The following CDH4 variants were observed in gnomAD, a reference collection of about 807,000 sequenced individuals.
CDH4 encodes the protein cadherin 4, also known as cadherin-4.
A neutral mutation model predicts 86.0 loss-of-function variants in CDH4; 33 were observed. The ratio of observed to expected loss-of-function variants is 0.38; its 90% confidence interval spans 0.29 to 0.51. CDH4 has a LOEUF of 0.51. Among genes scored for constraint, CDH4 ranks in the 20% least tolerant of loss-of-function variants. The probability of loss-of-function intolerance (pLI) is 0.86; values close to 1 mark genes in which losing one functional copy is unlikely to be tolerated. For missense variants in CDH4, 1,114 were observed against 1,307.4 expected, an observed-to-expected ratio of 0.85 and a Z score of 2.28; for synonymous variants, 555 against 549.4, an observed-to-expected ratio of 1.01 and a Z score of -0.14.
chr20:61,272,666 C>T (rs1187963602), intron 2 of CDH4, among the ~76,000 whole-genome samples: 1 of 152,028 alleles, frequency 6.6e-6, no homozygotes. Flanking sequence ...TGAGGGAGTA[C>T]TATGCACAGT....
rs188912371 is a variant in CDH4 at position 61,744,573 on chromosome 20, G to A, written c.396+784G>A. On this transcript the variant is annotated intron_variant, in intron 3 of 15. Coordinates refer to ENST00000614565, the MANE Select transcript of CDH4 (RefSeq NM_001794.5). The stretch of plus-strand genomic sequence containing the variant: ...AGATGGAGAGAGGTGGAGGGAGAGA[G>A]AGAAGGAAAGGGAGGGAGAGAGAGA... Among the ~76,000 whole-genome samples the A allele has an allele frequency of 1.9e-4, 23 of 119,152 alleles. 1 individual carries two copies. Among genetic ancestry groups the A allele is most frequent in the Non-Finnish European group, 4.1e-4 (21 of 51,242 alleles). The allele number at this position is 119,152 out of a possible 152,430, so 78.2% of individuals were successfully genotyped here. A position where few individuals can be genotyped will look rare whatever the true frequency, so the allele number is the denominator to read the frequency against.
intron 9 of CDH4, among the ~76,000 whole-genome samples, chr20:61,914,546 C>G (rs2054885274): frequency 6.6e-6 from 1 of 152,168 alleles, no homozygotes; most frequent in Admixed American, 6.5e-5. Context: ...GGTGCGGGCT[C>G]AGCCTCAGCA....
intron 2 of CDH4, among the ~76,000 whole-genome samples, chr20:61,274,645 AGGAGTACCGTGTGCG>A (rs2084215581): frequency 1.3e-5 from 1 of 77,054 alleles, no homozygotes; most frequent in African/African-American, 5.2e-5. Context: ...TGCAGTTTGC[AGGAGTACCGTGTGCG>A]GTTTGGGGGA....
intron 2 of CDH4, among the ~76,000 whole-genome samples, chr20:61,551,557 T>C (rs953714143): frequency 1.3e-5 from 2 of 152,222 alleles, no homozygotes; most frequent in African/African-American, 2.4e-5. Flanking sequence ...ACCTTTGCCA[T>C]TGGGGAACTT....
At chr20:61,867,124 A>G (rs1983586072) in intron 6 of CDH4, among the ~76,000 whole-genome samples, 2 of 152,154 alleles carry the variant, frequency 1.3e-5, no homozygotes, top group South Asian at 4.1e-4. Flanking sequence ...TTTCCAGAAC[A>G]CTCGCTCTGG....
intron 4 of CDH4, among the ~76,000 whole-genome samples, chr20:61,821,846 A>G (rs112472639): frequency 1.3e-5 from 2 of 152,242 alleles, no homozygotes. Flanking sequence ...ATGGCAGGAG[A>G]TAAGTGTTAC....
chr20:61,714,062 T>TGTTATGTTATGTTATGTTA lies in CDH4; in HGVS notation c.170-29501_170-29500insGTTATGTTATGTTATGTTA, dbSNP rs1237764006. ...TTTTATTTTATTTTATTTTATTTTA[T>TGTTATGTTATGTTATGTTA]TTGAGATGGAGTCTCACTCTGTCGC... On this transcript the variant is annotated intron_variant, in intron 2 of 15. Coordinates refer to ENST00000614565, the MANE Select transcript of CDH4 (RefSeq NM_001794.5). Among the ~76,000 whole-genome samples, 271 of 150,110 alleles carry TGTTATGTTATGTTATGTTA rather than the reference T, an allele frequency of 1.8e-3. 5 individuals are homozygous for TGTTATGTTATGTTATGTTA. Among genetic ancestry groups the TGTTATGTTATGTTATGTTA allele is most frequent in the East Asian group, 3.7e-3 (19 of 5,128 alleles).
chr20:61,788,714 T>C (rs1979012173), intron 4 of CDH4, among the ~76,000 whole-genome samples: 1 of 152,184 alleles, frequency 6.6e-6, no homozygotes, highest in Non-Finnish European at 1.5e-5. Flanking sequence ...AAGACTCCTT[T>C]CTCAGAATAT....
intron 4 of CDH4, among the ~76,000 whole-genome samples, chr20:61,792,722 C>T (rs1979269035): frequency 6.6e-6 from 1 of 152,090 alleles, no homozygotes; most frequent in Non-Finnish European, 1.5e-5. Context: ...ATGATCTCAG[C>T]TCACTGCAAC....
chr20:61,844,063 T>C (rs530827903), intron 4 of CDH4, among the ~76,000 whole-genome samples: 3 of 152,318 alleles, frequency 2.0e-5, no homozygotes, highest in African/African-American at 7.2e-5. Context: ...TCCCAAAATC[T>C]TGTATGAATC....
At chr20:61,564,482 G>A (rs1169392848) in intron 2 of CDH4, among the ~76,000 whole-genome samples, 1 of 152,040 alleles carries the variant, frequency 6.6e-6, no homozygotes, top group Non-Finnish European at 1.5e-5. Context: ...GGGAGAGCTG[G>A]TCGTTTAAAA....
At chr20:61,661,093 G>GGGGGGGGGC (rs907816921) in intron 2 of CDH4, among the ~76,000 whole-genome samples, 1 of 102,316 alleles carries the variant, frequency 9.8e-6, no homozygotes, top group Non-Finnish European at 2.6e-5. Flanking sequence ...GCGGGGGGGG[G>GGGGGGGGGC]GGAGACACAG....
intron 2 of CDH4, among the ~76,000 whole-genome samples, chr20:61,596,492 G>A (rs1380237495): frequency 1.3e-5 from 2 of 152,200 alleles, no homozygotes; most frequent in Admixed American, 6.5e-5. Flanking sequence ...GGTGGAAGCA[G>A]CAAGTCTCTG....
intron 2 of CDH4, among the ~76,000 whole-genome samples, chr20:61,367,910 G>A (rs559031124): frequency 4.5e-5 from 6 of 131,904 alleles, no homozygotes; most frequent in South Asian, 2.4e-4. Context: ...TTGCTCTGTC[G>A]CCCAGGCTGG....
chr20:61,726,136 A>C (rs1555830850), intron 2 of CDH4, among the ~76,000 whole-genome samples: 1 of 150,940 alleles, frequency 6.6e-6, no homozygotes, highest in African/African-American at 2.4e-5. Flanking sequence ...CTCGGGGGGG[A>C]CTGTGGTGAA....
chr20:61,388,083 C>A (rs1219457954), intron 2 of CDH4, among the ~76,000 whole-genome samples: 2 of 152,232 alleles, frequency 1.3e-5, no homozygotes, highest in Non-Finnish European at 2.9e-5. Flanking sequence ...ATTTTGGCCA[C>A]CATATGGTAT....
At position 61,570,814 on chromosome 20, in the gene CDH4, A is replaced by C. The variant is rs1600769551; in HGVS notation, c.170-172749A>C. 5 of 701,584 alleles carry C rather than the reference A, an allele frequency of 7.1e-6. No homozygotes were observed. In the East Asian group the frequency reaches 1.3e-4, roughly 19 times the overall value. 43.5% of individuals were successfully genotyped at this position (701,584 alleles called of 1,614,324 possible). On this transcript the variant is annotated intron_variant, in intron 2 of 15. Transcript: ENST00000614565. ...TGCTAATTACCTTCTCTGCCGCGCC[A>C]GGGGGTTGCTGCTGTTTTCTTCCCC... is the stretch of plus-strand genomic sequence containing the variant.
At position 61,393,197 on chromosome 20, in the gene CDH4, T is replaced by G. The variant is rs983171631; in HGVS notation, c.169+138260T>G. The stretch of plus-strand genomic sequence containing the variant: ...GTCTTGGTGACATTGACAACACTGT[T>G]TAATCGGTCCTCGCGGGAGCTTCCC... On this transcript the variant is annotated intron_variant, in intron 2 of 15. Transcript: ENST00000614565. This position sits in a 1 kb window ranked among gnomAD's most constrained non-coding sequence, Gnocchi z 4.3. 6.6e-6 allele frequency among the ~76,000 whole-genome samples: 1 copy of G among 152,176 alleles called. No homozygotes were observed. The highest frequency in any genetic ancestry group is 2.4e-5 in the African/African-American group (1 of 41,436).
At position 61,933,085 on chromosome 20, in the gene CDH4, C is replaced by T. The variant is rs150205127; in HGVS notation, c.2340C>T (p.Ile780=). 1.2e-6 allele frequency: 2 copies of T among 1,613,136 alleles called. No individual in the cohort carries two copies. Among genetic ancestry groups the T allele is most frequent in the Admixed American group, 1.7e-5 (1 of 60,006 alleles). ...IDPEDDVRDN[I]LKYDEEGGGE... ...CCGAGGACGACGTCCGCGACAACATCCTCAAGTATGACGAGGAAGGCGGTG... is the reference window on the plus strand; with the variant it reads ...CCGAGGACGACGTCCGCGACAACATTCTCAAGTATGACGAGGAAGGCGGTG... The change falls in exon 14 of 16, where the codon ATC becomes ATT. Residue 780 remains isoleucine (I), a synonymous_variant. Transcript: ENST00000614565.
Sources: allele counts gnomAD v4.1 joint callset (sites outside exome capture counted in the v4.1 genomes callset), GRCh38; gene constraint gnomAD v4.1.1; non-coding constraint Gnocchi (gnomAD v3.1); transcripts MANE v1.5; gene names NCBI Gene and HGNC (gene_info 2026-07-23, HGNC 2026-07-21).